Variants in NPLOC4 observed in about 807,000 individuals in gnomAD.
NPLOC4 encodes nuclear protein localization protein 4 homolog.
NPLOC4 carries 18 observed loss-of-function variants against 80.6 expected under a neutral mutation model. That is an observed-to-expected ratio of 0.22 (90% CI 0.15 to 0.33). The LOEUF is 0.33. Among genes scored for constraint, NPLOC4 ranks in the 10% least tolerant of loss-of-function variants. The pLI, the probability that NPLOC4 is intolerant of heterozygous loss-of-function variation, is 1.00. For synonymous variants in NPLOC4, 313 were observed against 301.5 expected, an observed-to-expected ratio of 1.04 and a Z score of -0.39; for missense variants, 540 against 786.1, an observed-to-expected ratio of 0.69 and a Z score of 3.74.
At chr17:81,612,117 C>T (rs2144249714) in intron 4 of NPLOC4, among the ~76,000 whole-genome samples, 1 of 152,214 alleles carries the variant, frequency 6.6e-6, no homozygotes, top group South Asian at 2.1e-4. Context: ...AAACCTTGTC[C>T]CACGGCTTTC....
chr17:81,589,218 G>C, intron 11 of NPLOC4, 114 bp from the exon 12 acceptor site: 3 of 912,724 alleles, frequency 3.3e-6, no homozygotes, highest in South Asian at 3.7e-5. Flanking sequence ...AGAGTTTGTC[G>C]GGGGTAAGAG....
At chr17:81,613,521 T>C in intron 3 of NPLOC4, 27 bp from the exon 4 acceptor site, 1 of 1,592,338 alleles carries the variant, frequency 6.3e-7, no homozygotes, top group Non-Finnish European at 8.5e-7. Context: ...CAGAGGCTGA[T>C]GCCTTCCCTT....
Position 81,565,205 on chromosome 17 carries a change from T to C in NPLOC4, c.1669+300A>G. On this transcript the variant is annotated intron_variant, in intron 16 of 16. Transcript: ENST00000331134. ...AAAGTTTCTGATTCTCTTAAGACAA[T>C]GATGTTCAAAGTGCTCCTAGGATGC... The C allele has an allele frequency of 3.2e-6, 2 of 632,488 alleles. 1 individual carries two copies. Among genetic ancestry groups the C allele is most frequent in the South Asian group, 3.5e-5 (2 of 57,806 alleles). The allele number at this position is 632,488 out of a possible 1,614,324, so 39.2% of individuals were successfully genotyped here. A position where few individuals can be genotyped will look rare whatever the true frequency, so the allele number is the denominator to read the frequency against.
intron 12 of NPLOC4, among the ~76,000 whole-genome samples, chr17:81,578,947 G>A (rs924616315): frequency 2.6e-5 from 4 of 152,082 alleles, no homozygotes; most frequent in Non-Finnish European, 5.9e-5. Context: ...TAGAGACAGG[G>A]TCTCACTATG....
chr17:81,629,667 G>T, intron 2 of NPLOC4, 58 bp downstream of exon 2: 1 of 1,220,134 alleles, frequency 8.2e-7, no homozygotes, highest in South Asian at 1.2e-5. Context: ...AGGTATCGAT[G>T]GCAGTAAGAG....
intron 12 of NPLOC4, among the ~76,000 whole-genome samples, chr17:81,586,559 G>A (rs952204599): frequency 4.0e-5 from 6 of 149,410 alleles, no homozygotes; most frequent in South Asian, 2.1e-4. Context: ...GCAGTGGGCC[G>A]AGATCGCGCC....
chr17:81,566,393 G>C (rs1054724208), intron 15 of NPLOC4: 4 of 152,250 alleles, frequency 2.6e-5, no homozygotes, highest in African/African-American at 9.6e-5. Flanking sequence ...AGTACCTCCA[G>C]AGAATGTCTT....
At position 81,567,543 on chromosome 17, in the gene NPLOC4, T is replaced by C. The variant is rs1281543173; in HGVS notation, c.1450-10A>G. On this transcript the variant is annotated splice_polypyrimidine_tract_variant and intron_variant, in intron 14 of 16. Coordinates refer to ENST00000331134, the MANE Select transcript of NPLOC4 (RefSeq NM_017921.4). This position sits in a 1 kb window ranked among gnomAD's most constrained non-coding sequence, Gnocchi z 4.5. Reference sequence around the variant, plus strand: ...CCAAGCTATGGAAGTCCTAGAGGAATGGGAATAAACATGAATGTTCCATAC... The same window carrying C: ...CCAAGCTATGGAAGTCCTAGAGGAACGGGAATAAACATGAATGTTCCATAC... 1 of 1,534,878 alleles carries C rather than the reference T, an allele frequency of 6.5e-7. No homozygotes were observed. Among genetic ancestry groups the C allele is most frequent in the East Asian group, 2.3e-5 (1 of 44,436 alleles).
Position 81,572,655 on chromosome 17 carries a change from A to G in NPLOC4, c.1282-567T>C, listed in dbSNP as rs558983715. Among the ~76,000 whole-genome samples the G allele has an allele frequency of 1.3e-5, 2 of 152,364 alleles. No individual in the cohort carries two copies. Among genetic ancestry groups the G allele is most frequent in the East Asian group, 3.9e-4 (2 of 5,190 alleles). On this transcript the variant is annotated intron_variant, in intron 12 of 16. Coordinates refer to ENST00000331134, the MANE Select transcript of NPLOC4 (RefSeq NM_017921.4). The surrounding 1 kb of genome is among the most constrained non-coding windows in gnomAD (Gnocchi z 4.5). The stretch of plus-strand genomic sequence containing the variant: ...TCGGGCACTGGGACTCCCCACTGGG[A>G]GAGCACATCAAATGCCTCCTCTCCA...
chr17:81,631,436 A>ATATATATATATATAT (rs1330720098), intron 1 of NPLOC4, among the ~76,000 whole-genome samples: 2 of 117,070 alleles, frequency 1.7e-5, no homozygotes, highest in African/African-American at 6.2e-5. Context: ...ATATATATAT[A>ATATATATATATATAT]TTTTTTTTTT....
In NPLOC4 at chr17:81,606,712, G is replaced by A. The variant is rs371479948; in HGVS notation, c.633C>T (p.Ser211=). The A allele has an allele frequency of 1.0e-4, 161 of 1,613,234 alleles. 1 individual carries two copies. In the Middle Eastern group the frequency reaches 4.6e-3, roughly 46 times the overall value. The stretch of plus-strand genomic sequence containing the variant: ...TCACCTGTCTGTTCAGCGTGATGGC[G>A]CTCGGCTGGCACTTAGTACAGATGC... ...PNGICTKCQP[S]AITLNRQKYR... is the part of the protein sequence containing the mutation. Residue 211 remains serine, a synonymous_variant, in exon 7 of 17, where the codon AGC becomes AGT. Coordinates refer to ENST00000331134, the MANE Select transcript of NPLOC4 (RefSeq NM_017921.4).
At chr17:81,624,105 T>C (rs1329430765) in intron 2 of NPLOC4, among the ~76,000 whole-genome samples, 1 of 151,828 alleles carries the variant, frequency 6.6e-6, no homozygotes, top group Non-Finnish European at 1.5e-5. Context: ...ACCAACATGG[T>C]GAAACCCCAT....
Position 81,572,899 on chromosome 17 carries a change from C to T in NPLOC4, c.1282-811G>A, listed in dbSNP as rs907112455. On this transcript the variant is annotated intron_variant, in intron 12 of 16. Transcript: ENST00000331134. This position sits in a 1 kb window ranked among gnomAD's most constrained non-coding sequence, Gnocchi z 4.5. ...TAAAATAAAGGCATGCACAAATGAG[C>T]GCACACACAAATATGAAGACACGGG... Among the ~76,000 whole-genome samples, 3 of 152,150 alleles carry T rather than the reference C, an allele frequency of 2.0e-5. No individual in the cohort carries two copies. The highest frequency in any genetic ancestry group is 2.9e-5 in the Non-Finnish European group (2 of 68,038).
chr17:81,580,358 G>A lies in NPLOC4; in HGVS notation c.1282-8270C>T, dbSNP rs1451302447. Among the ~76,000 whole-genome samples, 1 of 152,112 alleles carries A rather than the reference G, an allele frequency of 6.6e-6. No homozygotes were observed. The highest frequency in any genetic ancestry group is 1.9e-4 in the East Asian group (1 of 5,190). On this transcript the variant is annotated intron_variant, in intron 12 of 16. Coordinates refer to ENST00000331134, the MANE Select transcript of NPLOC4 (RefSeq NM_017921.4). This position sits in a 1 kb window ranked among gnomAD's most constrained non-coding sequence, Gnocchi z 4.4. Reference sequence around the variant, plus strand: ...CACTCAACCCCCTCACTACTGCACAGCCATCTCTACTCTCTACCCTAGTCT... The same window carrying A: ...CACTCAACCCCCTCACTACTGCACAACCATCTCTACTCTCTACCCTAGTCT...
intron 6 of NPLOC4, among the ~76,000 whole-genome samples, chr17:81,607,620 G>C (rs2035240856): frequency 6.6e-6 from 1 of 152,094 alleles, no homozygotes; most frequent in Non-Finnish European, 1.5e-5. Context: ...ACTCGTCACT[G>C]AATCTGCATG....
Position 81,620,382 on chromosome 17 carries a change from G to C in NPLOC4, c.209+1784C>G, listed in dbSNP as rs566562860. Among the ~76,000 whole-genome samples, 21 of 152,280 alleles carry C rather than the reference G, an allele frequency of 1.4e-4. No homozygotes were observed. In the South Asian group the frequency reaches 3.9e-3, roughly 29 times the overall value. ...ATGGTGGCACGAGCCTATAGTCCCAGCTACTCAGGAGGCTGAGGCAGGAGA... is the reference window on the plus strand; with the variant it reads ...ATGGTGGCACGAGCCTATAGTCCCACCTACTCAGGAGGCTGAGGCAGGAGA... On this transcript the variant is annotated intron_variant, in intron 3 of 16. Transcript: ENST00000331134.
At chr17:81,604,936 G>A (rs1172614377) in intron 7 of NPLOC4, among the ~76,000 whole-genome samples, 2 of 152,142 alleles carry the variant, frequency 1.3e-5, no homozygotes, top group Non-Finnish European at 2.9e-5. Context: ...TCCAGCCTGG[G>A]TGACAGAGTG....
In NPLOC4 at chr17:81,633,485, A is replaced by G. The variant is rs548769380; in HGVS notation, c.15+3431T>C. On this transcript the variant is annotated intron_variant, in intron 1 of 16. Coordinates refer to ENST00000331134, the MANE Select transcript of NPLOC4 (RefSeq NM_017921.4). The stretch of plus-strand genomic sequence containing the variant: ...ATGGGAGTCCAGGTTTCCAAGGCCA[A>G]CTCCAGTATTTAACAAGAGACAAAC... 2.3e-4 allele frequency among the ~76,000 whole-genome samples: 35 copies of G among 152,324 alleles called. No individual in the cohort carries two copies. In the South Asian group the frequency reaches 7.1e-3, roughly 31 times the overall value.
chr17:81,630,640 G>C (rs2035903955), intron 1 of NPLOC4, among the ~76,000 whole-genome samples: 1 of 152,132 alleles, frequency 6.6e-6, no homozygotes, highest in African/African-American at 2.4e-5. Flanking sequence ...GTAGCACTTT[G>C]GGAGGCCAAG....
Sources: allele counts gnomAD v4.1 joint callset (sites outside exome capture counted in the v4.1 genomes callset), GRCh38; gene constraint gnomAD v4.1.1; non-coding constraint Gnocchi (gnomAD v3.1); transcripts MANE v1.5; gene names NCBI Gene and HGNC (gene_info 2026-07-23, HGNC 2026-07-21).